Variants in PPP2R2B observed in about 807,000 individuals in gnomAD.
PPP2R2B encodes the protein serine/threonine-protein phosphatase 2A 55 kDa regulatory subunit B beta isoform.
Under a neutral mutation model 46.0 loss-of-function variants are expected in PPP2R2B, and 5 were observed. That is an observed-to-expected ratio of 0.11 (90% CI 0.06 to 0.23). PPP2R2B has a LOEUF of 0.23. PPP2R2B is among the 10% of genes least tolerant of loss of function. PPP2R2B has a pLI of 1.00. For synonymous variants in PPP2R2B, 215 were observed against 206.7 expected (o/e 1.04, Z -0.34); for missense variants, 367 against 575.0 (o/e 0.64, Z 3.70).
At chr5:146,832,780 A>C (rs1392792775) in intron 2 of PPP2R2B, among the ~76,000 whole-genome samples, 1 of 152,116 alleles carries the variant, frequency 6.6e-6, no homozygotes, top group Non-Finnish European at 1.5e-5. Context: ...TGCCTACACT[A>C]TTCAGAAGAG....
At chr5:147,078,674 G>T (rs1757872163) in intron 2 of PPP2R2B, among the ~76,000 whole-genome samples, 1 of 151,942 alleles carries the variant, frequency 6.6e-6, no homozygotes, top group Non-Finnish European at 1.5e-5. Context: ...GGGCATATTT[G>T]GTGGGTGCCT....
intron 2 of PPP2R2B, among the ~76,000 whole-genome samples, chr5:146,854,691 C>T (rs1204585409): frequency 2.6e-5 from 4 of 152,142 alleles, no homozygotes; most frequent in Non-Finnish European, 5.9e-5. Context: ...TGTATAGACA[C>T]ACACTCACCT....
intron 2 of PPP2R2B, among the ~76,000 whole-genome samples, chr5:146,866,557 T>G (rs895027804): frequency 4.6e-5 from 7 of 152,186 alleles, no homozygotes; most frequent in African/African-American, 1.7e-4. Context: ...CTAATTCAGC[T>G]CTAATTATAC....
intron 4 of PPP2R2B, among the ~76,000 whole-genome samples, chr5:146,693,256 C>T (rs533473684): frequency 1.3e-5 from 2 of 151,978 alleles, no homozygotes; most frequent in South Asian, 2.1e-4. Context: ...ACTCTGTCAC[C>T]TAGGCTGGAG....
At chr5:147,033,835 T>C (rs1755906965) in intron 1 of PPP2R2B, among the ~76,000 whole-genome samples, 1 of 152,130 alleles carries the variant, frequency 6.6e-6, no homozygotes, top group African/African-American at 2.4e-5. Flanking sequence ...CAAGCCTCTG[T>C]CCTTTCTTGT....
intron 7 of PPP2R2B, among the ~76,000 whole-genome samples, chr5:146,617,449 G>GAATCA (rs1198381563): frequency 2.6e-5 from 4 of 152,118 alleles, no homozygotes; most frequent in Non-Finnish European, 4.4e-5. Flanking sequence ...TTGCATGTGT[G>GAATCA]AATCAAAATA....
chr5:146,886,275 C>T (rs1445141801), intron 1 of PPP2R2B, among the ~76,000 whole-genome samples: 3 of 151,868 alleles, frequency 2.0e-5, no homozygotes, highest in Non-Finnish European at 4.4e-5. Flanking sequence ...GGAGGCGGAG[C>T]TTGCAGTGAG....
At chr5:146,975,101 A>G (rs1460745890) in intron 1 of PPP2R2B, among the ~76,000 whole-genome samples, 1 of 152,156 alleles carries the variant, frequency 6.6e-6, no homozygotes, top group Non-Finnish European at 1.5e-5. Flanking sequence ...TTATTGTTCA[A>G]CCAATCTCCA....
At chr5:146,669,661 G>A (rs1189205774) in intron 5 of PPP2R2B, among the ~76,000 whole-genome samples, 1 of 152,092 alleles carries the variant, frequency 6.6e-6, no homozygotes, top group Non-Finnish European at 1.5e-5. Context: ...CCTTTAAAAA[G>A]TGCTTACTGT....
intron 2 of PPP2R2B, among the ~76,000 whole-genome samples, chr5:146,795,305 G>T: frequency 6.6e-6 from 1 of 152,024 alleles, no homozygotes; most frequent in East Asian, 1.9e-4. Flanking sequence ...TCTATCAACA[G>T]ATTAATTAAT....
At chr5:146,976,162 C>G (rs1752896868) in intron 1 of PPP2R2B, among the ~76,000 whole-genome samples, 1 of 149,172 alleles carries the variant, frequency 6.7e-6, no homozygotes, top group African/African-American at 2.5e-5. Flanking sequence ...TTCTGAGACA[C>G]AGTCGTGCTC....
At chr5:146,728,162 T>TTC (rs1156289743) in intron 2 of PPP2R2B, among the ~76,000 whole-genome samples, 6 of 144,184 alleles carry the variant, frequency 4.2e-5, no homozygotes, top group Non-Finnish European at 9.0e-5. Flanking sequence ...TTTTTTTTTT[T>TTC]CAGATGCAAT....
chr5:146,890,341 AGC>A, intron 1 of PPP2R2B, among the ~76,000 whole-genome samples: 1 of 152,204 alleles, frequency 6.6e-6, no homozygotes, highest in East Asian at 1.9e-4. Context: ...TCAGGTTGGA[AGC>A]CTTTATGCTC....
intron 1 of PPP2R2B, among the ~76,000 whole-genome samples, chr5:147,017,998 A>C (rs1755084701): frequency 6.6e-6 from 1 of 151,664 alleles, no homozygotes. Flanking sequence ...GAAATCTTCC[A>C]GGCCCAGATG....
intron 6 of PPP2R2B, among the ~76,000 whole-genome samples, chr5:146,641,205 C>A (rs532538528): frequency 2.6e-5 from 4 of 152,054 alleles, no homozygotes; most frequent in Non-Finnish European, 4.4e-5. Flanking sequence ...ATTTTACAGC[C>A]GAGGGAACTC....
chr5:146,598,413 T>A (rs1189726244), intron 8 of PPP2R2B, among the ~76,000 whole-genome samples: 1 of 152,212 alleles, frequency 6.6e-6, no homozygotes, highest in East Asian at 1.9e-4. Context: ...TCTTTAATTA[T>A]ACTAATTGTC....
At chr5:146,803,986 T>C (rs909393938) in intron 2 of PPP2R2B, among the ~76,000 whole-genome samples, 6 of 151,836 alleles carry the variant, frequency 4.0e-5, no homozygotes, top group Non-Finnish European at 8.8e-5. Flanking sequence ...GCTAATACGG[T>C]GAAACCCCGT....
At chr5:146,764,302 C>A (rs909931860) in intron 2 of PPP2R2B, among the ~76,000 whole-genome samples, 16 of 152,154 alleles carry the variant, frequency 1.1e-4, no homozygotes, top group African/African-American at 3.9e-4. Flanking sequence ...AGCCAGGAGC[C>A]ACTGAAGATT....
At chr5:146,810,138 T>C (rs752010496) in intron 2 of PPP2R2B, among the ~76,000 whole-genome samples, 3 of 152,178 alleles carry the variant, frequency 2.0e-5, no homozygotes, top group African/African-American at 4.8e-5. Flanking sequence ...TCAGGTATTG[T>C]TACTAACATC....
Sources: allele counts gnomAD v4.1 joint callset (sites outside exome capture counted in the v4.1 genomes callset), GRCh38; gene constraint gnomAD v4.1.1; transcripts MANE v1.5; gene names NCBI Gene and HGNC (gene_info 2026-07-23, HGNC 2026-07-21).